The following PARD3 variants were observed in gnomAD, a reference collection of about 807,000 sequenced individuals.
The protein encoded by PARD3 is partitioning defective 3 homolog.
PARD3 carries 75 observed loss-of-function variants against 155.4 expected under a neutral mutation model. The ratio of observed to expected loss-of-function variants is 0.48; its 90% CI spans 0.40 to 0.58. The LOEUF (loss-of-function observed/expected upper bound fraction) is 0.58, where lower values mean the gene tolerates loss of function less well. PARD3 is among the 20% of genes least tolerant of loss of function. PARD3 has a pLI of 0.00. For missense variants in PARD3, 1,642 were observed against 1,721.7 expected, an observed-to-expected ratio of 0.95 and a Z score of 0.82; for synonymous variants, 576 against 610.5, an observed-to-expected ratio of 0.94 and a Z score of 0.83.
At chr10:34,793,982 C>T (rs1346362511) in intron 1 of PARD3, among the ~76,000 whole-genome samples, 1 of 152,166 alleles carries the variant, frequency 6.6e-6, no homozygotes, top group Non-Finnish European at 1.5e-5. Flanking sequence ...TTACAGTCGA[C>T]TTGCACCTTA....
In PARD3 at chr10:34,193,204, T is replaced by G. The variant is rs1950790691; in HGVS notation, c.3420-61621A>C. On this transcript the variant is annotated intron_variant, in intron 22 of 24. Coordinates refer to ENST00000374788, the MANE Select transcript of PARD3 (RefSeq NM_001184785.2). The stretch of plus-strand genomic sequence containing the variant: ...TATCTTAATTTTATGCATTTTACAC[T>G]TCTAAGCAGCTTGCTAGTGAGGATT... 2.0e-5 allele frequency among the ~76,000 whole-genome samples: 3 copies of G among 152,238 alleles called. No homozygotes were observed. In the South Asian group the frequency reaches 6.2e-4, roughly 31 times the overall value.
intron 5 of PARD3, among the ~76,000 whole-genome samples, chr10:34,447,665 C>T (rs548326215): frequency 2.3e-4 from 34 of 151,094 alleles, no homozygotes; most frequent in African/African-American, 6.6e-4. Flanking sequence ...ATTAGCTGGG[C>T]GTGGTGGTGG....
At chr10:34,284,334 A>C (rs1172525997) in intron 20 of PARD3, 89 bp from the exon 21 acceptor site, 1 of 718,590 alleles carries the variant, frequency 1.4e-6, no homozygotes, top group African/African-American at 1.8e-5. Context: ...AATGAAATGA[A>C]TGTTAGCTTC....
intron 1 of PARD3, among the ~76,000 whole-genome samples, chr10:34,751,280 T>A (rs187801968): frequency 3.9e-4 from 59 of 152,296 alleles, no homozygotes; most frequent in African/African-American, 1.3e-3. Context: ...GTTGCTGTGC[T>A]GATGATTTGG....
At chr10:34,519,540 G>A (rs986084970) in intron 2 of PARD3, among the ~76,000 whole-genome samples, 7 of 152,204 alleles carry the variant, frequency 4.6e-5, no homozygotes, top group Admixed American at 6.5e-5. Context: ...TAGGCCAGGC[G>A]CGGTGGCTCA....
At chr10:34,332,766 T>C (rs560343844) in intron 18 of PARD3, among the ~76,000 whole-genome samples, 1 of 152,304 alleles carries the variant, frequency 6.6e-6, no homozygotes, top group South Asian at 2.1e-4. Context: ...CAGGTTTGTC[T>C]ATATTTCTTT....
At chr10:34,342,648 G>A (rs998709468) in intron 15 of PARD3, among the ~76,000 whole-genome samples, 2 of 152,204 alleles carry the variant, frequency 1.3e-5, no homozygotes, top group African/African-American at 4.8e-5. Context: ...TTCAGGCCAT[G>A]ACTGAGGATG....
intron 1 of PARD3, among the ~76,000 whole-genome samples, chr10:34,774,173 C>T (rs183386975): frequency 6.6e-6 from 1 of 152,102 alleles, no homozygotes; most frequent in African/African-American, 2.4e-5. Flanking sequence ...CAAAACATAC[C>T]TGACTTCAAT....
At chr10:34,716,490 G>A (rs2094521286) in intron 1 of PARD3, among the ~76,000 whole-genome samples, 1 of 152,014 alleles carries the variant, frequency 6.6e-6, no homozygotes, top group African/African-American at 2.4e-5. Flanking sequence ...TCAGATGGGA[G>A]GAGGGGACAA....
chr10:34,204,788 G>A (rs1251398743), intron 22 of PARD3, among the ~76,000 whole-genome samples: 1 of 152,140 alleles, frequency 6.6e-6, no homozygotes, highest in Non-Finnish European at 1.5e-5. Context: ...TGAATTCGTG[G>A]TATCTATATT....
chr10:34,425,736 T>C (rs1406926582), intron 5 of PARD3, among the ~76,000 whole-genome samples: 1 of 152,218 alleles, frequency 6.6e-6, no homozygotes, highest in Non-Finnish European at 1.5e-5. Context: ...TAATCCATTT[T>C]CACCTAAACT....
chr10:34,213,704 T>C (rs997643231), intron 22 of PARD3, among the ~76,000 whole-genome samples: 20 of 152,136 alleles, frequency 1.3e-4, no homozygotes, highest in Non-Finnish European at 1.0e-4. Context: ...GATGGCTACA[T>C]GATACCAGGG....
At chr10:34,288,443 C>T (rs1201499680) in intron 20 of PARD3, among the ~76,000 whole-genome samples, 3 of 152,008 alleles carry the variant, frequency 2.0e-5, no homozygotes, top group Non-Finnish European at 4.4e-5. Context: ...ATAAAAAATA[C>T]ACTAGCCATT....
chr10:34,558,999 C>T (rs1031691832), intron 2 of PARD3, among the ~76,000 whole-genome samples: 30 of 152,220 alleles, frequency 2.0e-4, no homozygotes, highest in African/African-American at 7.0e-4. Context: ...CAAATCCACA[C>T]ATTTTTCTAG....
Position 34,360,006 on chromosome 10 carries a change from A to T in PARD3, c.1896+65T>A. On this transcript the variant is annotated intron_variant, in intron 13 of 24. Transcript: ENST00000374788. ...TCTGTTAACTGTATATGTTTCCAAA[A>T]TAGGAACAGGGTTGAAATTAAAATT... The T allele has an allele frequency of 2.0e-5, 25 of 1,259,904 alleles. 1 individual carries two copies. Among genetic ancestry groups the T allele is most frequent in the Non-Finnish European group, 2.6e-5 (23 of 877,314 alleles). The allele number at this position is 1,259,904 out of a possible 1,614,324, so 78.0% of individuals were successfully genotyped here.
intron 2 of PARD3, among the ~76,000 whole-genome samples, chr10:34,605,568 A>C (rs1564405258): frequency 5.6e-4 from 41 of 72,600 alleles, no homozygotes; most frequent in South Asian, 7.8e-4. Context: ...TCCTATATAT[A>C]TATATATCTC....
At chr10:34,153,447 CT>C (rs1402524757) in intron 22 of PARD3, among the ~76,000 whole-genome samples, 3 of 152,148 alleles carry the variant, frequency 2.0e-5, no homozygotes, top group Non-Finnish European at 4.4e-5. Context: ...TAAAGTAAAC[CT>C]GATACTATTT....
chr10:34,777,718 A>T (rs1168400812), intron 1 of PARD3, among the ~76,000 whole-genome samples: 6 of 148,142 alleles, frequency 4.1e-5, no homozygotes, highest in African/African-American at 1.5e-4. Context: ...TTTTTAAGAG[A>T]TGGGGGTTTT....
chr10:34,461,958 A>G (rs1301924438), intron 4 of PARD3, among the ~76,000 whole-genome samples: 4 of 152,236 alleles, frequency 2.6e-5, no homozygotes, highest in African/African-American at 9.6e-5. Context: ...GGCAGACTGT[A>G]TTCCTAATGT....
Sources: allele counts gnomAD v4.1 joint callset (sites outside exome capture counted in the v4.1 genomes callset), GRCh38; gene constraint gnomAD v4.1.1; transcripts MANE v1.5; gene names NCBI Gene and HGNC (gene_info 2026-07-23, HGNC 2026-07-21).